INSC: variants seen among roughly 807,000 people sequenced by gnomAD.
INSC encodes protein inscuteable homolog.
In INSC, 67 loss-of-function variants were observed where a neutral mutation model predicts 58.6. The observed-to-expected ratio is 1.14, with a 90% CI of 0.94 to 1.40. The LOEUF (loss-of-function observed/expected upper bound fraction) is 1.40. INSC is among the 40% of genes most tolerant of loss of function. INSC has a pLI of 0.00. For missense variants in INSC, 714 were observed against 692.0 expected, an observed-to-expected ratio of 1.03 and a Z score of -0.36; for synonymous variants, 262 against 276.1, an observed-to-expected ratio of 0.95 and a Z score of 0.51.
At chr11:15,141,961 C>T (rs1258988071) in intron 1 of INSC, among the ~76,000 whole-genome samples, 1 of 152,154 alleles carries the variant, frequency 6.6e-6, no homozygotes, top group Non-Finnish European at 1.5e-5. Flanking sequence ...GATCATTTCA[C>T]TCCCCTGCTC....
intron 2 of INSC, among the ~76,000 whole-genome samples, chr11:15,156,697 G>C (rs1274803098): frequency 6.6e-6 from 1 of 152,210 alleles, no homozygotes; most frequent in Non-Finnish European, 1.5e-5. Flanking sequence ...CTGTAGAATG[G>C]GGATGGCAAT....
the INSC span, among the ~76,000 whole-genome samples, chr11:15,256,773 GCA>G: frequency 6.6e-6 from 1 of 152,068 alleles, no homozygotes; most frequent in Non-Finnish European, 1.5e-5. Flanking sequence ...CACGGGTGAG[GCA>G]CTGCACCTGG....
At chr11:15,217,547 C>T (rs543800739) in intron 7 of INSC, among the ~76,000 whole-genome samples, 163 of 152,156 alleles carry the variant, frequency 1.1e-3, no homozygotes, top group African/African-American at 3.3e-3. Flanking sequence ...TGGTGTGGGG[C>T]GCTTGAGTGG....
downstream of INSC, among the ~76,000 whole-genome samples, chr11:15,247,905 GGC>G (rs1852609210): frequency 6.6e-6 from 1 of 151,946 alleles, no homozygotes; most frequent in Non-Finnish European, 1.5e-5. Context: ...TTTTGTCATT[GGC>G]AACAAATACT....
chr11:15,230,146 C>G (rs1455676716), intron 9 of INSC, among the ~76,000 whole-genome samples: 1 of 144,094 alleles, frequency 6.9e-6, no homozygotes, highest in African/African-American at 2.6e-5. Context: ...GCCAAGATGG[C>G]ACCACTGTAC....
intron 7 of INSC, among the ~76,000 whole-genome samples, chr11:15,208,562 T>G (rs1385205225): frequency 6.6e-6 from 1 of 152,178 alleles, no homozygotes; most frequent in Non-Finnish European, 1.5e-5. Flanking sequence ...AGGCAGGAAC[T>G]AAATTAGCCA....
At chr11:15,184,212 C>T (rs1849882965) in intron 5 of INSC, among the ~76,000 whole-genome samples, 1 of 67,456 alleles carries the variant, frequency 1.5e-5, no homozygotes, top group Non-Finnish European at 3.6e-5. Flanking sequence ...TGCATTATTA[C>T]AAATTTCAGT....
downstream of INSC, among the ~76,000 whole-genome samples, chr11:15,250,677 G>C (rs1852641015): frequency 6.6e-6 from 1 of 152,122 alleles, no homozygotes; most frequent in African/African-American, 2.4e-5. Context: ...CATGTTATCT[G>C]TTCAACAAAA....
chr11:15,151,016 G>C (rs1564871214), intron 2 of INSC, among the ~76,000 whole-genome samples: 1 of 152,186 alleles, frequency 6.6e-6, no homozygotes, highest in Non-Finnish European at 1.5e-5. Flanking sequence ...GGGTCCAGGA[G>C]AGAAGGTCTC....
chr11:15,229,995 A>ATTT (rs1564917533), intron 9 of INSC, among the ~76,000 whole-genome samples: 3 of 30,218 alleles, frequency 9.9e-5, no homozygotes, highest in African/African-American at 4.0e-4. Context: ...ATATATATAT[A>ATTT]TATATATATA....
chr11:15,181,948 A>G (rs757802161), intron 5 of INSC, among the ~76,000 whole-genome samples: 1 of 151,986 alleles, frequency 6.6e-6, no homozygotes, highest in Non-Finnish European at 1.5e-5. Context: ...GGTTAGTACA[A>G]TCTCTTCAAT....
chr11:15,230,025 T>TA (rs1851864135), intron 9 of INSC, among the ~76,000 whole-genome samples: 1 of 62,596 alleles, frequency 1.6e-5, no homozygotes, highest in Non-Finnish European at 2.9e-5. Flanking sequence ...TATATATATA[T>TA]ATATATATAT....
chr11:15,132,583 G>A (rs1185720173), intron 1 of INSC, among the ~76,000 whole-genome samples: 3 of 152,104 alleles, frequency 2.0e-5, no homozygotes, highest in Non-Finnish European at 4.4e-5. Context: ...CAACGTGCCC[G>A]GCCCTGTAAT....
At chr11:15,153,402 G>T (rs1215200484) in intron 2 of INSC, among the ~76,000 whole-genome samples, 1 of 152,198 alleles carries the variant, frequency 6.6e-6, no homozygotes, top group Non-Finnish European at 1.5e-5. Context: ...GCCAGTGGGG[G>T]CCATTGCAGG....
In INSC at chr11:15,198,933, C is replaced by T. The variant is rs1219124759; in HGVS notation, c.694-1891C>T. On this transcript the variant is annotated intron_variant, in intron 6 of 12. Transcript: ENST00000379556. Reference sequence around the variant, plus strand: ...GTCTGTCTCATGCCAGACATTTTTACTGAAGTAATTACGTGCACTTAAAAT... The same window carrying T: ...GTCTGTCTCATGCCAGACATTTTTATTGAAGTAATTACGTGCACTTAAAAT... 2.0e-5 allele frequency among the ~76,000 whole-genome samples: 3 copies of T among 152,144 alleles called. No homozygotes were observed. The East Asian group carries it at 5.8e-4, about 29-fold the overall frequency.
chr11:15,174,756 T>C (rs2063050553), intron 2 of INSC, among the ~76,000 whole-genome samples: 1 of 152,260 alleles, frequency 6.6e-6, no homozygotes, highest in Admixed American at 6.5e-5. Context: ...TACTTTTAAT[T>C]GACACATAAC....
chr11:15,239,171 G>C (rs1273861974), intron 11 of INSC, 97 bp downstream of exon 11: 4 of 1,433,928 alleles, frequency 2.8e-6, no homozygotes, highest in East Asian at 2.4e-5. Context: ...CACAGGGCAA[G>C]AGCTGGCTGG....
upstream of INSC, chr11:15,112,653 G>GA: frequency 8.1e-6 from 3 of 371,394 alleles, 1 homozygote; most frequent in Non-Finnish European, 1.3e-5. Flanking sequence ...GAAGTGGGGG[G>GA]GGGGCATTTA....
intron 2 of INSC, among the ~76,000 whole-genome samples, chr11:15,159,992 C>A (rs1006081079): frequency 6.6e-6 from 1 of 152,228 alleles, no homozygotes; most frequent in African/African-American, 2.4e-5. Flanking sequence ...TACATATACA[C>A]CAGCTGCATC....
Sources: gnomAD v4.1 joint callset for allele counts (sites outside exome capture counted in the v4.1 genomes callset) on GRCh38, gnomAD v4.1.1 for gene constraint, MANE v1.5 for transcripts, NCBI Gene and HGNC (gene_info 2026-07-23, HGNC 2026-07-21) for gene names.